Variants in CSMD1 observed in about 807,000 individuals in gnomAD.
The protein encoded by CSMD1 is CUB and sushi domain-containing protein 1.
Under a neutral mutation model 417.5 loss-of-function variants are expected in CSMD1, and 213 were observed. That is an observed-to-expected ratio of 0.51 (90% CI 0.46 to 0.57). The LOEUF is 0.57. Ranked by LOEUF, CSMD1 falls within the 20% of genes least tolerant of loss-of-function variation. CSMD1 has a pLI of 0.00. For synonymous variants in CSMD1, 2,862 were observed against 1,736.8 expected (o/e 1.65, Z -16.11); for missense variants, 6,923 against 4,529.7 (o/e 1.53, Z -15.17).
intron 5 of CSMD1, among the ~76,000 whole-genome samples, chr8:3,820,639 A>C (rs117244857): frequency 6.6e-6 from 1 of 152,200 alleles, no homozygotes; most frequent in Non-Finnish European, 1.5e-5. Flanking sequence ...GTAGTGGCGT[A>C]ATCTCGGCTC....
intron 7 of CSMD1, among the ~76,000 whole-genome samples, chr8:3,701,554 A>G (rs895024448): frequency 2.6e-5 from 4 of 152,012 alleles, no homozygotes; most frequent in Non-Finnish European, 4.4e-5. Context: ...TTAAGAGAAG[A>G]TTACCCACTA....
At chr8:4,201,119 C>A (rs1799620037) in intron 3 of CSMD1, among the ~76,000 whole-genome samples, 1 of 152,128 alleles carries the variant, frequency 6.6e-6, no homozygotes, top group African/African-American at 2.4e-5. Flanking sequence ...AGTGACTTTG[C>A]ATATCAATTA....
At chr8:3,009,029 C>T (rs539977248) in intron 52 of CSMD1, among the ~76,000 whole-genome samples, 5 of 152,178 alleles carry the variant, frequency 3.3e-5, no homozygotes, top group East Asian at 1.9e-4. Context: ...TCACTTCTCC[C>T]GCAGAAACCC....
At chr8:4,291,445 T>A (rs957121813) in intron 3 of CSMD1, among the ~76,000 whole-genome samples, 5 of 152,168 alleles carry the variant, frequency 3.3e-5, no homozygotes, top group African/African-American at 1.2e-4. Context: ...AGAATTTGAA[T>A]TAACTAAGAG....
chr8:4,038,178 G>C (rs1006333618), intron 3 of CSMD1, among the ~76,000 whole-genome samples: 1 of 151,868 alleles, frequency 6.6e-6, no homozygotes, highest in Non-Finnish European at 1.5e-5. Context: ...TAGGGATTGG[G>C]GATTTTTATC....
At chr8:3,990,396 T>G (rs1187285899) in intron 5 of CSMD1, among the ~76,000 whole-genome samples, 1 of 152,200 alleles carries the variant, frequency 6.6e-6, no homozygotes, top group Non-Finnish European at 1.5e-5. Flanking sequence ...ATGGTAAGGA[T>G]GGAGACGGGG....
chr8:2,945,382 T>A (rs1802153736), intron 68 of CSMD1, among the ~76,000 whole-genome samples: 1 of 152,216 alleles, frequency 6.6e-6, no homozygotes, highest in South Asian at 2.1e-4. Flanking sequence ...TGTGTAGTAT[T>A]CTACTGATTA....
At chr8:4,585,255 G>T (rs1299548730) in intron 2 of CSMD1, among the ~76,000 whole-genome samples, 1 of 152,152 alleles carries the variant, frequency 6.6e-6, no homozygotes, top group Non-Finnish European at 1.5e-5. Context: ...AAAGACTGGA[G>T]TCACATGGAA....
At chr8:4,934,007 T>TA (rs1004757937) in intron 1 of CSMD1, among the ~76,000 whole-genome samples, 62 of 150,728 alleles carry the variant, frequency 4.1e-4, no homozygotes, top group South Asian at 3.8e-3. Flanking sequence ...GCTTTTTTTT[T>TA]AAAAAAAAAT....
At chr8:4,868,539 G>C (rs1248335461) in intron 1 of CSMD1, among the ~76,000 whole-genome samples, 4 of 151,996 alleles carry the variant, frequency 2.6e-5, no homozygotes, top group Non-Finnish European at 5.9e-5. Flanking sequence ...ATTAGTGTTA[G>C]TGGGATCATT....
chr8:4,951,172 T>G (rs1808721369), intron 1 of CSMD1, among the ~76,000 whole-genome samples: 1 of 152,142 alleles, frequency 6.6e-6, no homozygotes, highest in African/African-American at 2.4e-5. Flanking sequence ...CTCCTTGCCT[T>G]AAATCTTGGT....
At chr8:3,352,710 C>T (rs981529515) in intron 21 of CSMD1, among the ~76,000 whole-genome samples, 1 of 152,100 alleles carries the variant, frequency 6.6e-6, no homozygotes, top group Non-Finnish European at 1.5e-5. Flanking sequence ...CATGGTGGTG[C>T]ATGCCGGTTG....
At chr8:4,031,219 T>C (rs182214541) in intron 4 of CSMD1, among the ~76,000 whole-genome samples, 14 of 152,206 alleles carry the variant, frequency 9.2e-5, no homozygotes, top group Admixed American at 9.2e-4. Flanking sequence ...ACCAATCTAT[T>C]GTATTAGTTC....
At chr8:4,620,874 G>A (rs1461255240) in intron 2 of CSMD1, among the ~76,000 whole-genome samples, 1 of 151,252 alleles carries the variant, frequency 6.6e-6, no homozygotes, top group African/African-American at 2.4e-5. Context: ...ATAGAAGAGT[G>A]AAAATAAGAG....
intron 3 of CSMD1, among the ~76,000 whole-genome samples, chr8:4,278,353 C>A (rs896811768): frequency 6.6e-6 from 1 of 152,010 alleles, no homozygotes; most frequent in Non-Finnish European, 1.5e-5. Flanking sequence ...ACTTAAAATT[C>A]ATAAGGAAAC....
intron 10 of CSMD1, among the ~76,000 whole-genome samples, chr8:3,545,900 T>C (rs10086951): frequency 0.048 from 7,247 of 152,220 alleles, 500 homozygotes; most frequent in African/African-American, 0.15. Context: ...GCAATAAAAT[T>C]ATAGTGAATG....
At chr8:3,157,283 C>T (rs1255239330) in intron 39 of CSMD1, among the ~76,000 whole-genome samples, 6 of 152,134 alleles carry the variant, frequency 3.9e-5, no homozygotes, top group East Asian at 1.9e-4. Context: ...TACTGAGGGA[C>T]TTGTGACCAC....
chr8:4,704,578 A>C (rs891375886), intron 1 of CSMD1, among the ~76,000 whole-genome samples: 9 of 152,182 alleles, frequency 5.9e-5, no homozygotes, highest in African/African-American at 2.2e-4. Flanking sequence ...TTTTCAACCA[A>C]ACATAACCAC....
intron 5 of CSMD1, among the ~76,000 whole-genome samples, chr8:3,787,866 T>C (rs943370445): frequency 6.6e-6 from 1 of 152,172 alleles, no homozygotes; most frequent in Non-Finnish European, 1.5e-5. Flanking sequence ...TATCACAAAA[T>C]AGTATAAGTA....
Sources: allele counts gnomAD v4.1 joint callset (sites outside exome capture counted in the v4.1 genomes callset), GRCh38; gene constraint gnomAD v4.1.1; transcripts MANE v1.5; gene names NCBI Gene and HGNC (gene_info 2026-07-23, HGNC 2026-07-21).